ATP2A2: variants seen among roughly 807,000 people sequenced by gnomAD.
The protein encoded by ATP2A2 is sarcoplasmic/endoplasmic reticulum calcium ATPase 2.
ATP2A2 carries 14 observed loss-of-function variants against 109.3 expected under a neutral mutation model. That is an observed-to-expected ratio of 0.13 (90% CI 0.08 to 0.20). The LOEUF (loss-of-function observed/expected upper bound fraction) is 0.20, where lower values mean the gene tolerates loss of function less well. ATP2A2 is among the 10% of genes least tolerant of loss of function. The probability of loss-of-function intolerance (pLI) is 1.00; values close to 1 mark genes in which losing one functional copy is unlikely to be tolerated. For synonymous variants in ATP2A2, 506 were observed against 490.9 expected (o/e 1.03, Z -0.41); for missense variants, 657 against 1,321.6 (o/e 0.50, Z 7.80).
rs1313795441 is a variant in ATP2A2 at position 110,328,025 on chromosome 12, G to A, written c.1095+8G>A. On this transcript the variant is annotated splice_region_variant and intron_variant, in intron 8 of 19. Transcript: ENST00000539276. The stretch of plus-strand genomic sequence containing the variant: ...CAGATGTCAGTCTGCAGGGTAAGAG[G>A]AGTAATTTAGAATATTCCGTGTCGT... 1.9e-6 allele frequency: 3 copies of A among 1,609,190 alleles called. No individual in the cohort carries two copies. The African/African-American group carries it at 4.0e-5, about 22-fold the overall frequency.
At chr12:110,281,235 C>A (rs1382032367), upstream of ATP2A2, 1 of 151,124 alleles carries the variant, frequency 6.6e-6, no homozygotes, top group Non-Finnish European at 1.5e-5. Flanking sequence ...GAGGCAGCGG[C>A]CGATAAATGC....
intron 3 of ATP2A2, among the ~76,000 whole-genome samples, chr12:110,291,484 G>A (rs867897020): frequency 1.4e-4 from 21 of 152,056 alleles, no homozygotes; most frequent in African/African-American, 4.3e-4. Flanking sequence ...GGGATTACAG[G>A]TGTGAGCCAC....
In ATP2A2 at chr12:110,287,019, G is replaced by A. The variant is rs375939931; in HGVS notation, c.219+4224G>A. Among the ~76,000 whole-genome samples the A allele has an allele frequency of 2.5e-4, 38 of 152,270 alleles. No individual in the cohort carries two copies. In the South Asian group the frequency reaches 6.4e-3, roughly 26 times the overall value. ...TGTAATCCCAGCACTTTGAGAGGCC[G>A]AGGTGGGTGGATCATTTGAGGTCAG... On this transcript the variant is annotated intron_variant, in intron 3 of 19. Coordinates refer to ENST00000539276, the MANE Select transcript of ATP2A2 (RefSeq NM_170665.4).
In ATP2A2 at chr12:110,349,551, G is replaced by C. The variant is rs1231432413; in HGVS notation, c.*3081G>C. 1.0e-6 allele frequency: 1 copy of C among 986,446 alleles called. No individual in the cohort carries two copies. Among genetic ancestry groups the C allele is most frequent in the African/African-American group, 1.7e-5 (1 of 57,260 alleles). The allele number at this position is 986,446 out of a possible 1,614,324, so 61.1% of individuals were successfully genotyped here. A position where few individuals can be genotyped will look rare whatever the true frequency, so the allele number is the denominator to read the frequency against. ...AGCTCAGTGAGCTCCCAGGCAAGCA[G>C]GGCATCTGGCCGACTTCCCTCACAA... On this transcript the variant is annotated 3_prime_UTR_variant, in exon 20 of 20. Coordinates refer to ENST00000539276, the MANE Select transcript of ATP2A2 (RefSeq NM_170665.4).
At chr12:110,281,036 G>A (rs1329914203), upstream of ATP2A2, 22 of 151,750 alleles carry the variant, frequency 1.4e-4, no homozygotes, top group African/African-American at 5.3e-4. Context: ...CGCGACCGCG[G>A]CGCGCGCGGC....
chr12:110,283,957 G>C (rs141935069), intron 3 of ATP2A2, among the ~76,000 whole-genome samples: 3 of 152,162 alleles, frequency 2.0e-5, no homozygotes, highest in African/African-American at 7.2e-5. Flanking sequence ...GATAGTGGCA[G>C]CAGTAAATAA....
At chr12:110,334,989 C>T (rs756608194) in intron 11 of ATP2A2, among the ~76,000 whole-genome samples, 11 of 152,108 alleles carry the variant, frequency 7.2e-5, no homozygotes, top group Non-Finnish European at 1.6e-4. Context: ...GCAGAGGGCA[C>T]CCACATTGTT....
chr12:110,327,672 G>A lies in ATP2A2; in HGVS notation c.750G>A (p.Gln250=), dbSNP rs1877943780. The change falls in exon 8 of 20, where the codon CAG becomes CAA. Residue 250 remains glutamine (Q), a synonymous_variant. Transcript: ENST00000539276. This position sits in a 1 kb window ranked among gnomAD's most constrained non-coding sequence, Gnocchi z 4.4. ...CAGAACAGGAGAGAACACCCCTTCAGCAAAAACTAGATGAATTTGGGGAAC... is the reference window on the plus strand; with the variant it reads ...CAGAACAGGAGAGAACACCCCTTCAACAAAAACTAGATGAATTTGGGGAAC... ...VATEQERTPL[Q]QKLDEFGEQL... is the part of the protein sequence containing the mutation. 1 of 1,614,036 alleles carries A rather than the reference G, an allele frequency of 6.2e-7. No individual in the cohort carries two copies. Among genetic ancestry groups the A allele is most frequent in the Non-Finnish European group, 8.5e-7 (1 of 1,180,024 alleles).
intron 3 of ATP2A2, among the ~76,000 whole-genome samples, chr12:110,291,198 G>A (rs935990559): frequency 3.4e-5 from 5 of 148,754 alleles, no homozygotes; most frequent in Non-Finnish European, 6.0e-5. Context: ...GTGAGCCATC[G>A]CACCCGGCTT....
chr12:110,336,792 A>T (rs1878880295), intron 11 of ATP2A2, among the ~76,000 whole-genome samples: 1 of 151,938 alleles, frequency 6.6e-6, no homozygotes, highest in Non-Finnish European at 1.5e-5. Flanking sequence ...GCCTTGGACC[A>T]CTCCTTTGGC....
At chr12:110,313,414 G>A (rs1042458895) in intron 5 of ATP2A2, among the ~76,000 whole-genome samples, 1 of 144,402 alleles carries the variant, frequency 6.9e-6, no homozygotes, top group Non-Finnish European at 1.5e-5. Context: ...CTGGGTTCAC[G>A]CCATTCTCCT....
intron 17 of ATP2A2, 79 bp downstream of exon 17, chr12:110,345,050 T>C: frequency 1.3e-6 from 2 of 1,521,066 alleles, no homozygotes; most frequent in Non-Finnish European, 1.8e-6. Context: ...TCGGTATCTA[T>C]CAAATCATCT....
intron 9 of ATP2A2, 69 bp downstream of exon 9, chr12:110,332,754 T>G: frequency 4.5e-6 from 6 of 1,329,264 alleles, no homozygotes; most frequent in Non-Finnish European, 6.5e-6. Context: ...ATTTGCAGCA[T>G]GTCTACAAAG....
chr12:110,333,534 T>C (rs1167191459), intron 10 of ATP2A2, among the ~76,000 whole-genome samples: 1 of 152,214 alleles, frequency 6.6e-6, no homozygotes, highest in East Asian at 1.9e-4. Flanking sequence ...TGATGTTCTT[T>C]CTGTTGATAG....
rs1251215905 is a variant in ATP2A2, at chr12:110,350,715, C to T, written c.*4245C>T. The stretch of plus-strand genomic sequence containing the variant: ...CGGTTGTAAGTAGCCAGATCCCTCT[C>T]CAGTGACATTGGAACATGCTACTTT... On this transcript the variant is annotated 3_prime_UTR_variant, in exon 20 of 20. Transcript: ENST00000539276. 1 of 249,290 alleles carries T rather than the reference C, an allele frequency of 4.0e-6. No individual in the cohort carries two copies. The highest frequency in any genetic ancestry group is 2.2e-5 in the African/African-American group (1 of 44,678). 15.4% of individuals were successfully genotyped at this position (249,290 alleles called of 1,614,324 possible).
At chr12:110,330,241 C>T (rs2137823227) in intron 8 of ATP2A2, 1 of 152,114 alleles carries the variant, frequency 6.6e-6, no homozygotes. Context: ...CAATTTTAAG[C>T]TCATGATGAT....
In ATP2A2 at chr12:110,350,850, GCAGA is replaced by G. The variant is rs2137890092; in HGVS notation, c.*4384_*4387del. On this transcript the variant is annotated 3_prime_UTR_variant, in exon 20 of 20. Transcript: ENST00000539276. Reference sequence around the variant, plus strand: ...TCATTTTCAGTTATTTTCTGAGTGTGCAGACAGCTATTTCGCACTGTATTAAATG... The same window carrying G: ...TCATTTTCAGTTATTTTCTGAGTGTGCAGCTATTTCGCACTGTATTAAATG... 1 of 162,122 alleles carries G rather than the reference GCAGA, an allele frequency of 6.2e-6. No homozygotes were observed. The highest frequency in any genetic ancestry group is 1.6e-4 in the South Asian group (1 of 6,250). 10.0% of individuals were successfully genotyped at this position (162,122 alleles called of 1,614,324 possible). A position where few individuals can be genotyped will look rare whatever the true frequency, so the allele number is the denominator to read the frequency against.
chr12:110,344,045 C>T (rs746165779), intron 16 of ATP2A2, among the ~76,000 whole-genome samples: 1 of 152,152 alleles, frequency 6.6e-6, no homozygotes, highest in Admixed American at 6.5e-5. Context: ...TTCCCTCTGG[C>T]GTTGAGGTGC....
intron 5 of ATP2A2, among the ~76,000 whole-genome samples, chr12:110,319,902 T>C (rs1487230648): frequency 6.6e-6 from 1 of 152,144 alleles, no homozygotes. Flanking sequence ...ACCAACATGA[T>C]GCTCAAGGGA....
Sources: allele counts gnomAD v4.1 joint callset (sites outside exome capture counted in the v4.1 genomes callset), GRCh38; gene constraint gnomAD v4.1.1; non-coding constraint Gnocchi (gnomAD v3.1); transcripts MANE v1.5; gene names NCBI Gene and HGNC (gene_info 2026-07-23, HGNC 2026-07-21).